Variants in GRID2 observed in about 807,000 individuals in gnomAD.
The protein encoded by GRID2 is glutamate receptor ionotropic, delta-2.
In GRID2, 33 loss-of-function variants were observed where a neutral mutation model predicts 114.8. The ratio of observed to expected loss-of-function variants is 0.29; its 90% CI spans 0.22 to 0.38. The LOEUF (loss-of-function observed/expected upper bound fraction) is 0.38, where lower values mean the gene tolerates loss of function less well. GRID2 is among the 10% of genes least tolerant of loss of function. The probability of loss-of-function intolerance (pLI) is 1.00; values close to 1 mark genes in which losing one functional copy is unlikely to be tolerated. For missense variants in GRID2, 1,184 were observed against 1,257.7 expected (o/e 0.94, Z 0.89); for synonymous variants, 505 against 449.9 (o/e 1.12, Z -1.55).
In GRID2 at chr4:92,939,434, T is replaced by A. The variant is rs1211677897; in HGVS notation, c.245-145561T>A. 2.7e-5 allele frequency among the ~76,000 whole-genome samples: 4 copies of A among 147,496 alleles called. 1 individual carries two copies. In the South Asian group the frequency reaches 6.8e-4, roughly 25 times the overall value. On this transcript the variant is annotated intron_variant, in intron 2 of 15. Coordinates refer to ENST00000282020, the MANE Select transcript of GRID2 (RefSeq NM_001510.4). ...GTTGTTTGTTTTTTTCTTGTAAATT[T>A]GTTTGAGTTCATTGTAGATTCTGGA...
chr4:92,947,528 A>G (rs995915957), intron 2 of GRID2, among the ~76,000 whole-genome samples: 1 of 151,868 alleles, frequency 6.6e-6, no homozygotes, highest in African/African-American at 2.4e-5. Context: ...ATAAACTTGC[A>G]AAGTTTCAGA....
intron 1 of GRID2, among the ~76,000 whole-genome samples, chr4:92,419,253 G>A (rs1327473076): frequency 1.3e-5 from 2 of 151,966 alleles, no homozygotes; most frequent in Non-Finnish European, 2.9e-5. Context: ...TCTCTTAATT[G>A]GCTTTTAACT....
At chr4:93,421,793 C>G (rs1580029564) in intron 9 of GRID2, among the ~76,000 whole-genome samples, 1 of 133,588 alleles carries the variant, frequency 7.5e-6, no homozygotes, top group African/African-American at 2.8e-5. Context: ...GAATAAAAGC[C>G]AAAATGAAAG....
At chr4:92,976,025 A>C (rs1753847035) in intron 2 of GRID2, among the ~76,000 whole-genome samples, 1 of 152,054 alleles carries the variant, frequency 6.6e-6, no homozygotes, top group Admixed American at 6.6e-5. Context: ...GTTTTCATTA[A>C]TTAATATACT....
rs1053735347 is a variant in GRID2, at chr4:93,612,008, G to A, written c.2194-14261G>A. On this transcript the variant is annotated intron_variant, in intron 13 of 15. Coordinates refer to ENST00000282020, the MANE Select transcript of GRID2 (RefSeq NM_001510.4). Reference sequence around the variant, plus strand: ...ATGAATCTGGGTGCTCCTGTATTGGGTGCATAAATATTTAGGATAGTTAGC... The same window carrying A: ...ATGAATCTGGGTGCTCCTGTATTGGATGCATAAATATTTAGGATAGTTAGC... Among the ~76,000 whole-genome samples, 7 of 151,420 alleles carry A rather than the reference G, an allele frequency of 4.6e-5. No individual in the cohort carries two copies. The East Asian group carries it at 7.8e-4, about 17-fold the overall frequency.
intron 8 of GRID2, among the ~76,000 whole-genome samples, chr4:93,328,847 A>G (rs1219626684): frequency 6.6e-6 from 1 of 152,124 alleles, no homozygotes; most frequent in East Asian, 1.9e-4. Flanking sequence ...GAAAGGCATG[A>G]ATTCATCAAT....
At chr4:92,831,807 C>T (rs1489003059) in intron 2 of GRID2, among the ~76,000 whole-genome samples, 1 of 151,998 alleles carries the variant, frequency 6.6e-6, no homozygotes, top group Non-Finnish European at 1.5e-5. Context: ...CTGCAGTGAG[C>T]TGAGATCACG....
intron 14 of GRID2, among the ~76,000 whole-genome samples, chr4:93,728,938 C>T (rs1301741360): frequency 6.6e-6 from 1 of 152,120 alleles, no homozygotes; most frequent in Admixed American, 6.6e-5. Flanking sequence ...GACTCTTTTT[C>T]CAGTTTGCCA....
chr4:92,678,477 C>G (rs1289785819), intron 2 of GRID2, among the ~76,000 whole-genome samples: 1 of 152,004 alleles, frequency 6.6e-6, no homozygotes, highest in African/African-American at 2.4e-5. Flanking sequence ...AGCAAGAAAT[C>G]TCACTCAAAG....
At chr4:93,570,003 G>A (rs1173683540) in intron 13 of GRID2, among the ~76,000 whole-genome samples, 1 of 152,098 alleles carries the variant, frequency 6.6e-6, no homozygotes, top group Non-Finnish European at 1.5e-5. Flanking sequence ...TGCTCTCAAT[G>A]TTATTAGAAT....
chr4:93,075,127 T>G (rs1454097335), intron 2 of GRID2, among the ~76,000 whole-genome samples: 4 of 152,164 alleles, frequency 2.6e-5, no homozygotes, highest in African/African-American at 9.7e-5. Flanking sequence ...GCCAGCATTA[T>G]CCTTGCAAGG....
chr4:92,900,745 A>G (rs2149479914), intron 2 of GRID2, among the ~76,000 whole-genome samples: 1 of 151,342 alleles, frequency 6.6e-6, no homozygotes, highest in Non-Finnish European at 1.5e-5. Flanking sequence ...GAGGCAGGAG[A>G]ATGGCATGAA....
intron 2 of GRID2, among the ~76,000 whole-genome samples, chr4:92,731,862 T>C (rs1318596632): frequency 6.6e-6 from 1 of 151,960 alleles, no homozygotes; most frequent in African/African-American, 2.4e-5. Flanking sequence ...CTTGATTATT[T>C]GACCATCACA....
intron 2 of GRID2, among the ~76,000 whole-genome samples, chr4:93,030,144 G>T (rs1367598687): frequency 6.6e-6 from 1 of 152,170 alleles, no homozygotes; most frequent in Non-Finnish European, 1.5e-5. Flanking sequence ...CTGTGCCCCA[G>T]TGGTTCTTTA....
intron 3 of GRID2, among the ~76,000 whole-genome samples, chr4:93,108,519 C>A (rs936620642): frequency 1.3e-5 from 2 of 152,024 alleles, no homozygotes; most frequent in African/African-American, 4.8e-5. Context: ...TTCAGTGTTA[C>A]TTTTGTTTTG....
chr4:93,211,187 G>C (rs1444341888), intron 5 of GRID2, among the ~76,000 whole-genome samples: 1 of 151,862 alleles, frequency 6.6e-6, no homozygotes, highest in Non-Finnish European at 1.5e-5. Flanking sequence ...AACTGAAATA[G>C]AGCTTCTGAG....
At chr4:92,423,534 A>G (rs2110328409) in intron 1 of GRID2, among the ~76,000 whole-genome samples, 1 of 152,270 alleles carries the variant, frequency 6.6e-6, no homozygotes, top group African/African-American at 2.4e-5. Context: ...GAGTTTAAAA[A>G]GTGAAGAGAA....
At chr4:92,897,499 C>G (rs1416374133) in intron 2 of GRID2, among the ~76,000 whole-genome samples, 2 of 152,032 alleles carry the variant, frequency 1.3e-5, no homozygotes, top group Non-Finnish European at 2.9e-5. Flanking sequence ...TTTTTTGTCA[C>G]TCTACTTTCT....
intron 1 of GRID2, among the ~76,000 whole-genome samples, chr4:92,367,332 A>G (rs903317269): frequency 2.0e-5 from 3 of 152,102 alleles, no homozygotes; most frequent in Non-Finnish European, 4.4e-5. Flanking sequence ...GTACATCAAT[A>G]AAATTGCAAA....
Sources: allele counts gnomAD v4.1 joint callset (sites outside exome capture counted in the v4.1 genomes callset), GRCh38; gene constraint gnomAD v4.1.1; transcripts MANE v1.5; gene names NCBI Gene and HGNC (gene_info 2026-07-23, HGNC 2026-07-21).